TRAP1: variants seen among roughly 807,000 people sequenced by gnomAD.
The protein encoded by TRAP1 is heat shock protein 75 kDa, mitochondrial.
A neutral mutation model predicts 89.1 loss-of-function variants in TRAP1; 102 were observed. That is an observed-to-expected ratio of 1.15 (90% CI 0.98 to 1.35). The LOEUF (loss-of-function observed/expected upper bound fraction) is 1.35, where lower values mean the gene tolerates loss of function less well. TRAP1 is among the 40% of genes most tolerant of loss of function. The pLI, the probability that TRAP1 is intolerant of heterozygous loss-of-function variation, is 0.00. For synonymous variants in TRAP1, 508 were observed against 388.0 expected, an observed-to-expected ratio of 1.31 and a Z score of -3.64; for missense variants, 1,256 against 945.3, an observed-to-expected ratio of 1.33 and a Z score of -4.31.
At chr16:3,694,645 A>T (rs1016311781) in intron 1 of TRAP1, among the ~76,000 whole-genome samples, 12 of 152,012 alleles carry the variant, frequency 7.9e-5, no homozygotes, top group Admixed American at 1.3e-4. Flanking sequence ...GCCTCTTTTT[A>T]AAAAAGAATA....
At chr16:3,670,925 C>T (rs1331257816) in intron 11 of TRAP1, among the ~76,000 whole-genome samples, 3 of 152,092 alleles carry the variant, frequency 2.0e-5, no homozygotes, top group Non-Finnish European at 4.4e-5. Context: ...CAGTGCCTCT[C>T]GGTGTGGGCC....
chr16:3,702,404 G>A (rs929956550), intron 1 of TRAP1, among the ~76,000 whole-genome samples: 4 of 151,782 alleles, frequency 2.6e-5, no homozygotes, highest in Admixed American at 6.6e-5. Context: ...GACCTGGGAA[G>A]AAGTTTTTTG....
intron 1 of TRAP1, among the ~76,000 whole-genome samples, chr16:3,714,473 G>C (rs570145402): frequency 3.7e-4 from 56 of 152,200 alleles, no homozygotes; most frequent in South Asian, 8.3e-4. Context: ...ACCCTGGCCA[G>C]CATAGTGAAA....
chr16:3,703,325 G>A lies in TRAP1; in HGVS notation c.89-12340C>T, dbSNP rs75472754. Reference sequence around the variant, plus strand: ...TTACATATGCTACATACTCACAAGCGGAGGACTAACAAGTAAACTACAGAC... The same window carrying A: ...TTACATATGCTACATACTCACAAGCAGAGGACTAACAAGTAAACTACAGAC... On this transcript the variant is annotated intron_variant, in intron 1 of 17. Coordinates refer to ENST00000246957, the MANE Select transcript of TRAP1 (RefSeq NM_016292.3). 7.8e-3 allele frequency among the ~76,000 whole-genome samples: 1,177 copies of A among 151,492 alleles called. 36 individuals are homozygous for A. The highest frequency in any genetic ancestry group is 0.026 in the African/African-American group (1,078 of 41,030).
chr16:3,688,169 G>A (rs1440405818), intron 3 of TRAP1, among the ~76,000 whole-genome samples: 1 of 151,446 alleles, frequency 6.6e-6, no homozygotes, highest in East Asian at 1.9e-4. Flanking sequence ...TGAGTTTTGC[G>A]GGGTTTTTTT....
chr16:3,692,297 A>G (rs1307018449), intron 1 of TRAP1, among the ~76,000 whole-genome samples: 1 of 152,130 alleles, frequency 6.6e-6, no homozygotes, highest in African/African-American at 2.4e-5. Flanking sequence ...GCACTTTGGG[A>G]GGCTGAGGTA....
At position 3,713,072 on chromosome 16, in the gene TRAP1, G is replaced by A. The variant is rs114352490; in HGVS notation, c.88+4349C>T. On this transcript the variant is annotated intron_variant, in intron 1 of 17. Coordinates refer to ENST00000246957, the MANE Select transcript of TRAP1 (RefSeq NM_016292.3). The stretch of plus-strand genomic sequence containing the variant: ...ATCAGACGACAAACATGTCATGGAC[G>A]CTACACCTCTAGCGTCATCTCAGCA... Among the ~76,000 whole-genome samples the A allele has an allele frequency of 3.0e-4, 46 of 152,192 alleles. 1 individual carries two copies. Among genetic ancestry groups the A allele is most frequent in the African/African-American group, 1.1e-3 (45 of 41,526 alleles).
chr16:3,697,956 CTT>C (rs796764682), intron 1 of TRAP1, among the ~76,000 whole-genome samples: 8 of 150,652 alleles, frequency 5.3e-5, no homozygotes, highest in African/African-American at 2.0e-4. Context: ...GCCCGGCTAA[CTT>C]TTGTGTTTTT....
intron 5 of TRAP1, chr16:3,678,213 TG>T (rs766795064): frequency 6.6e-6 from 1 of 152,600 alleles, no homozygotes; most frequent in Non-Finnish European, 1.5e-5. Flanking sequence ...CGTTGTCCGA[TG>T]GAACTTTCTC....
intron 1 of TRAP1, among the ~76,000 whole-genome samples, chr16:3,708,773 G>A (rs1194129038): frequency 2.7e-5 from 4 of 150,568 alleles, no homozygotes; most frequent in East Asian, 2.0e-4. Flanking sequence ...GTGAGATGGC[G>A]CCACTGCACT....
intron 16 of TRAP1, 149 bp from the exon 17 acceptor site, chr16:3,659,014 TAATATC>T: frequency 5.3e-6 from 4 of 750,788 alleles, no homozygotes; most frequent in Non-Finnish European, 6.5e-6. Context: ...CATTTATAGA[TAATATC>T]ATTATATACC....
At chr16:3,670,808 T>C (rs1372626811) in intron 11 of TRAP1, among the ~76,000 whole-genome samples, 1 of 152,108 alleles carries the variant, frequency 6.6e-6, no homozygotes, top group Admixed American at 6.6e-5. Context: ...CGGCAGGCCA[T>C]GTGACCTCGC....
chr16:3,664,756 C>T (rs537551825), intron 12 of TRAP1: 38 of 358,714 alleles, frequency 1.1e-4, no homozygotes, highest in Middle Eastern at 7.7e-4. Context: ...CAGCAGAGCC[C>T]GGCCTGGACC....
At chr16:3,689,018 C>T (rs1006443541) in intron 3 of TRAP1, 37 bp downstream of exon 3, 1 of 1,566,200 alleles carries the variant, frequency 6.4e-7, no homozygotes, top group East Asian at 2.3e-5. Flanking sequence ...TGAAAAGAAA[C>T]TTTGCTAGCA....
intron 16 of TRAP1, 163 bp downstream of exon 16, chr16:3,661,824 T>G: frequency 1.1e-6 from 1 of 916,848 alleles, no homozygotes; most frequent in Non-Finnish European, 1.5e-6. Context: ...CAGGTTCCAT[T>G]TCACATGGGT....
chr16:3,666,868 C>CT (rs756589664), intron 11 of TRAP1, among the ~76,000 whole-genome samples: 3 of 152,152 alleles, frequency 2.0e-5, no homozygotes, highest in Non-Finnish European at 4.4e-5. Flanking sequence ...TTAGGAACAA[C>CT]TTTATCACTG....
intron 1 of TRAP1, among the ~76,000 whole-genome samples, chr16:3,706,401 C>T (rs1044843559): frequency 1.3e-5 from 2 of 151,718 alleles, no homozygotes; most frequent in African/African-American, 4.8e-5. Context: ...CCACCTCAGC[C>T]TCCCAAGCAG....
intron 1 of TRAP1, among the ~76,000 whole-genome samples, chr16:3,703,837 A>C (rs2051402164): frequency 1.3e-5 from 2 of 151,126 alleles, no homozygotes. Context: ...AACACGGTGA[A>C]AGCCAGTCTC....
chr16:3,697,663 CAAAA>C (rs563704469), intron 1 of TRAP1, among the ~76,000 whole-genome samples: 3 of 101,444 alleles, frequency 3.0e-5, no homozygotes, highest in Non-Finnish European at 2.1e-5. Flanking sequence ...GACTCTGTCT[CAAAA>C]AAAAAAAAAA....
Sources: allele counts gnomAD v4.1 joint callset (sites outside exome capture counted in the v4.1 genomes callset), GRCh38; gene constraint gnomAD v4.1.1; transcripts MANE v1.5; gene names NCBI Gene and HGNC (gene_info 2026-07-23, HGNC 2026-07-21).